PPP2R3A: variants seen among roughly 807,000 people sequenced by gnomAD.
PPP2R3A encodes protein phosphatase 2 regulatory subunit B''alpha.
A neutral mutation model predicts 106.9 loss-of-function variants in PPP2R3A; 80 were observed. The observed-to-expected ratio is 0.75, with a 90% CI of 0.62 to 0.90. The LOEUF (loss-of-function observed/expected upper bound fraction) is 0.90. Among genes scored for constraint, PPP2R3A ranks in the 40% least tolerant of loss-of-function variants. The probability of loss-of-function intolerance (pLI) is 0.00; values close to 1 mark genes in which losing one functional copy is unlikely to be tolerated. For synonymous variants in PPP2R3A, 483 were observed against 468.3 expected (o/e 1.03, Z -0.41); for missense variants, 1,386 against 1,350.4 (o/e 1.03, Z -0.41).
rs934082427 is a variant in PPP2R3A, at chr3:136,082,557, A to AG, written c.2788+140dup. Reference sequence around the variant, plus strand: ...TCTTTACAGGCCAATAATTTTTAAGAGGGGATGAGTGAAGATAATATAATT... The same window carrying AG: ...TCTTTACAGGCCAATAATTTTTAAGAGGGGGATGAGTGAAGATAATATAATT... On this transcript the variant is annotated intron_variant, in intron 8 of 13. Coordinates refer to ENST00000264977, the MANE Select transcript of PPP2R3A (RefSeq NM_002718.5). The AG allele has an allele frequency of 3.5e-5, 31 of 888,330 alleles. 2 individuals are homozygous for AG. In the South Asian group the frequency reaches 4.3e-4, roughly 12 times the overall value. The allele number at this position is 888,330 out of a possible 1,614,324, so 55.0% of individuals were successfully genotyped here.
chr3:135,971,103 TC>T (rs1156292855), intron 1 of PPP2R3A, among the ~76,000 whole-genome samples: 7 of 152,310 alleles, frequency 4.6e-5, no homozygotes, highest in African/African-American at 1.7e-4. Context: ...ACTGTGAGAT[TC>T]CCAGGAATAG....
chr3:136,064,727 A>T (rs1378754780), intron 5 of PPP2R3A, among the ~76,000 whole-genome samples: 1 of 152,214 alleles, frequency 6.6e-6, no homozygotes, highest in East Asian at 1.9e-4. Flanking sequence ...TGAACAGCTG[A>T]TGCAGTTAGA....
At chr3:135,980,574 G>T (rs1419894828) in intron 1 of PPP2R3A, among the ~76,000 whole-genome samples, 7 of 151,798 alleles carry the variant, frequency 4.6e-5, no homozygotes, top group African/African-American at 1.7e-4. Context: ...CACCCAACAG[G>T]AACGAGGGAC....
chr3:136,138,453 TC>T, intron 13 of PPP2R3A, among the ~76,000 whole-genome samples: 1 of 152,292 alleles, frequency 6.6e-6, no homozygotes, highest in South Asian at 2.1e-4. Flanking sequence ...GAAATCTACT[TC>T]CTGGGACAGG....
intron 13 of PPP2R3A, among the ~76,000 whole-genome samples, chr3:136,112,808 T>C (rs886255757): frequency 3.3e-5 from 5 of 152,136 alleles, no homozygotes; most frequent in Admixed American, 6.5e-5. Flanking sequence ...ACCAACATCA[T>C]TTTTCAAAGA....
At chr3:136,076,428 T>C (rs1936596105) in intron 6 of PPP2R3A, among the ~76,000 whole-genome samples, 1 of 152,326 alleles carries the variant, frequency 6.6e-6, no homozygotes, top group Admixed American at 6.5e-5. Context: ...ACATTATATA[T>C]GATTCTATCT....
At position 136,140,453 on chromosome 3, in the gene PPP2R3A, A is replaced by AAAAAAAAC. The variant is rs1559943223; in HGVS notation, c.3330-4583_3330-4582insCAAAAAAA. ...AGAGTGAGACTCTTTAAAAAAAAAA[A>AAAAAAAAC]AAAAAAAAAAACCCGGGCTCAGTGG... On this transcript the variant is annotated intron_variant, in intron 13 of 13. Coordinates refer to ENST00000264977, the MANE Select transcript of PPP2R3A (RefSeq NM_002718.5). 8.7e-3 allele frequency among the ~76,000 whole-genome samples: 1,308 copies of AAAAAAAAC among 149,862 alleles called. 32 individuals are homozygous for AAAAAAAAC. The highest frequency in any genetic ancestry group is 0.03 in the African/African-American group (1,194 of 39,880).
chr3:136,070,756 A>T (rs967848057), intron 6 of PPP2R3A, among the ~76,000 whole-genome samples: 1 of 152,218 alleles, frequency 6.6e-6, no homozygotes, highest in Non-Finnish European at 1.5e-5. Context: ...AATACTTACA[A>T]AATTAAAGTA....
intron 13 of PPP2R3A, among the ~76,000 whole-genome samples, chr3:136,120,612 A>G (rs1460254892): frequency 2.6e-5 from 4 of 152,188 alleles, no homozygotes; most frequent in Non-Finnish European, 4.4e-5. Context: ...CTTCTGCACA[A>G]TAGAAGAAAT....
chr3:136,075,445 A>G (rs991532681), intron 6 of PPP2R3A, among the ~76,000 whole-genome samples: 4 of 152,226 alleles, frequency 2.6e-5, no homozygotes, highest in African/African-American at 9.6e-5. Flanking sequence ...GTGCTGAATC[A>G]GTGATGTGGA....
At chr3:136,102,894 C>T (rs943991355) in intron 11 of PPP2R3A, among the ~76,000 whole-genome samples, 1 of 151,970 alleles carries the variant, frequency 6.6e-6, no homozygotes, top group Non-Finnish European at 1.5e-5. Context: ...ACAGAAAGCA[C>T]ATGAGGAGAG....
chr3:135,979,473 A>T (rs1374626150), intron 1 of PPP2R3A, among the ~76,000 whole-genome samples: 1 of 151,830 alleles, frequency 6.6e-6, no homozygotes, highest in Non-Finnish European at 1.5e-5. Context: ...GTCCGATTGG[A>T]TCTGGATTCA....
intron 13 of PPP2R3A, among the ~76,000 whole-genome samples, chr3:136,109,149 G>T (rs1434546866): frequency 6.6e-6 from 1 of 152,262 alleles, no homozygotes; most frequent in Admixed American, 6.5e-5. Flanking sequence ...ATGTAAAAAT[G>T]AGGAAGTAAA....
At position 136,145,107 on chromosome 3, in the gene PPP2R3A, ATATTAAGTGCAAGCCTTCCAGAGAAATG is replaced by A; in HGVS notation, c.3396_3423del (p.Ile1132MetfsTer17). On this transcript the variant is annotated frameshift_variant, in exon 14 of 14. Transcript: ENST00000264977. LOFTEE classifies it high-confidence loss of function. ...TGAATTTGGAAACAAAAGCAATAAA[ATATTAAGTGCAAGCCTTCCAGAGAAATG>A]TGGAAAGCTTCAATCAGTGGATGAA... The A allele has an allele frequency of 6.2e-7, 1 of 1,613,968 alleles. No homozygotes were observed. Among genetic ancestry groups the A allele is most frequent in the Non-Finnish European group, 8.5e-7 (1 of 1,179,886 alleles).
At position 136,002,324 on chromosome 3, in the gene PPP2R3A, A is replaced by T. The variant is rs1395036346; in HGVS notation, c.826A>T (p.Thr276Ser). Residue 276 changes from threonine (T) to serine (S), a missense_variant, in exon 2 of 14, where the codon ACT (threonine) becomes TCT (serine). Thr to Ser is a moderately conservative substitution (Grantham distance 58). Transcript: ENST00000264977. ...SGNDTISSSE[T>S]VYMNVMTRLA... is the part of the protein sequence containing the mutation. The stretch of plus-strand genomic sequence containing the variant: ...TAATGATACAATTTCTAGCTCTGAA[A>T]CTGTCTATATGAATGTAATGACCAG... The T allele has an allele frequency of 6.2e-7, 1 of 1,613,668 alleles. No individual in the cohort carries two copies. Among genetic ancestry groups the T allele is most frequent in the African/African-American group, 1.3e-5 (1 of 74,908 alleles).
rs919606170 is a variant in PPP2R3A, at chr3:136,147,461, TAAG to T, written c.*2298_*2300del. 2 of 152,648 alleles carry T rather than the reference TAAG, an allele frequency of 1.3e-5. No individual in the cohort carries two copies. The highest frequency in any genetic ancestry group is 2.9e-5 in the Non-Finnish European group (2 of 68,038). 9.5% of individuals were successfully genotyped at this position (152,648 alleles called of 1,614,324 possible). ...CACATTATCACATTTTCAGGAATTA[TAAG>T]AATGTGTTTTATTGTACTCCTTCCT... On this transcript the variant is annotated 3_prime_UTR_variant, in exon 14 of 14. Transcript: ENST00000264977.
chr3:136,041,416 C>T (rs1935284441), intron 4 of PPP2R3A, among the ~76,000 whole-genome samples: 1 of 151,800 alleles, frequency 6.6e-6, no homozygotes. Context: ...CACCACCACA[C>T]CTGGCTAATT....
At chr3:136,124,061 T>C (rs763956700) in intron 13 of PPP2R3A, among the ~76,000 whole-genome samples, 1 of 152,132 alleles carries the variant, frequency 6.6e-6, no homozygotes, top group Non-Finnish European at 1.5e-5. Flanking sequence ...AAAAATTGAA[T>C]TAAATTAGAA....
At position 136,027,458 on chromosome 3, in the gene PPP2R3A, G is replaced by A. The variant is rs554217979; in HGVS notation, c.2262+360G>A. 2.6e-5 allele frequency among the ~76,000 whole-genome samples: 4 copies of A among 152,176 alleles called. No homozygotes were observed. In the East Asian group the frequency reaches 7.7e-4, roughly 29 times the overall value. ...TTAGTCTCACCCATTGATCATAACT[G>A]CCCTAATGCCAGACAAGGAAGCATT... On this transcript the variant is annotated intron_variant, in intron 3 of 13. Transcript: ENST00000264977.
Sources: gnomAD v4.1 joint callset for allele counts (sites outside exome capture counted in the v4.1 genomes callset) on GRCh38, gnomAD v4.1.1 for gene constraint, MANE v1.5 for transcripts, NCBI Gene and HGNC (gene_info 2026-07-23, HGNC 2026-07-21) for gene names.